Variants in ARHGAP6 observed in about 807,000 individuals in gnomAD.
ARHGAP6 encodes rho GTPase-activating protein 6.
Under a neutral mutation model 55.7 loss-of-function variants are expected in ARHGAP6, and 16 were observed. The observed-to-expected ratio is 0.29, with a 90% CI of 0.19 to 0.44. The LOEUF (loss-of-function observed/expected upper bound fraction) is 0.44. Among genes scored for constraint, ARHGAP6 ranks in the 20% least tolerant of loss-of-function variants. ARHGAP6 has a pLI of 1.00. For missense variants in ARHGAP6, 698 were observed against 808.9 expected (o/e 0.86, Z 1.66); for synonymous variants, 382 against 360.9 (o/e 1.06, Z -0.66).
chrX:11,525,436 G>C (rs1431554548), intron 1 of ARHGAP6, among the ~76,000 whole-genome samples: 1 of 111,861 alleles, frequency 8.9e-6, no homozygotes, highest in Non-Finnish European at 1.9e-5. Flanking sequence ...GACTTTTATT[G>C]GTGGAAAAGA....
intron 1 of ARHGAP6, among the ~76,000 whole-genome samples, chrX:11,382,466 G>T (rs1429526441): frequency 9.0e-6 from 1 of 111,287 alleles, no homozygotes; most frequent in Non-Finnish European, 1.9e-5. Context: ...TAAACTATTG[G>T]CCTATTTTCA....
chrX:11,290,427 C>T (rs997698253), intron 1 of ARHGAP6: 11 of 373,791 alleles, frequency 2.9e-5, no homozygotes, highest in Non-Finnish European at 5.3e-5. Context: ...CGATGTGTAT[C>T]GGAATTCATC....
intron 2 of ARHGAP6, among the ~76,000 whole-genome samples, chrX:11,247,910 A>G (rs948222277): frequency 1.8e-5 from 2 of 111,791 alleles, no homozygotes; most frequent in Non-Finnish European, 3.8e-5. Context: ...AGCCATTTGA[A>G]TAATCAGATA....
chrX:11,227,565 A>G (rs1413953850), intron 2 of ARHGAP6, among the ~76,000 whole-genome samples: 1 of 110,297 alleles, frequency 9.1e-6, no homozygotes, highest in Non-Finnish European at 1.9e-5. Flanking sequence ...CCTTTCTAAA[A>G]TGCTTCCTAG....
At chrX:11,408,935 A>G (rs2147762269) in intron 1 of ARHGAP6, among the ~76,000 whole-genome samples, 1 of 110,258 alleles carries the variant, frequency 9.1e-6, no homozygotes, top group East Asian at 2.9e-4. Flanking sequence ...ACGCACACAC[A>G]CACACGCATC....
intron 1 of ARHGAP6, among the ~76,000 whole-genome samples, chrX:11,403,353 C>T (rs1279659900): frequency 9.0e-6 from 1 of 111,338 alleles, no homozygotes; most frequent in African/African-American, 3.3e-5. Context: ...GCCACTAGCC[C>T]CAAGTGACCA....
intron 9 of ARHGAP6, among the ~76,000 whole-genome samples, chrX:11,168,908 G>A (rs1340520086): frequency 8.9e-6 from 1 of 112,248 alleles, no homozygotes; most frequent in Non-Finnish European, 1.9e-5. Context: ...TTCCAAAAGT[G>A]TACAGAGGAT....
At chrX:11,350,083 G>A (rs1437561945) in intron 1 of ARHGAP6, among the ~76,000 whole-genome samples, 1 of 111,889 alleles carries the variant, frequency 8.9e-6, no homozygotes, top group Non-Finnish European at 1.9e-5. Flanking sequence ...TCCTACTATT[G>A]CCATCACCAA....
chrX:11,166,535 A>T lies in ARHGAP6; in HGVS notation c.1809+2970T>A, dbSNP rs1286019430. 4.5e-5 allele frequency among the ~76,000 whole-genome samples: 5 copies of T among 112,251 alleles called. No homozygotes were observed. In the East Asian group the frequency reaches 1.4e-3, roughly 31 times the overall value. ...AAAAAGCCAAACAAAACAAAACAAC[A>T]TAGCGACATACAAGATTACATTTTT... On this transcript the variant is annotated intron_variant, in intron 9 of 12. Coordinates refer to ENST00000337414, the MANE Select transcript of ARHGAP6 (RefSeq NM_013427.3).
chrX:11,359,645 T>G (rs940972272), intron 1 of ARHGAP6, among the ~76,000 whole-genome samples: 2 of 111,250 alleles, frequency 1.8e-5, no homozygotes, highest in African/African-American at 6.5e-5. Context: ...AGGCAAGAAA[T>G]AACTAAAATC....
intron 1 of ARHGAP6, among the ~76,000 whole-genome samples, chrX:11,507,203 T>C (rs2050743605): frequency 9.0e-6 from 1 of 111,212 alleles, no homozygotes; most frequent in African/African-American, 3.3e-5. Flanking sequence ...CTAAGAAATA[T>C]CTAGAGGTTT....
intron 1 of ARHGAP6, among the ~76,000 whole-genome samples, chrX:11,335,392 C>T (rs1027132325): frequency 9.0e-6 from 1 of 110,928 alleles, no homozygotes; most frequent in African/African-American, 3.3e-5. Context: ...CCGTGACAGG[C>T]CCCGGTGTGT....
intron 1 of ARHGAP6, among the ~76,000 whole-genome samples, chrX:11,570,643 G>C (rs1378034635): frequency 9.0e-6 from 1 of 111,211 alleles, no homozygotes; most frequent in African/African-American, 3.3e-5. Context: ...GTGGCTCTTA[G>C]ACTTGATCCA....
chrX:11,407,439 T>C (rs1325715829), intron 1 of ARHGAP6, among the ~76,000 whole-genome samples: 1 of 112,676 alleles, frequency 8.9e-6, no homozygotes, highest in Admixed American at 9.4e-5. Context: ...TTTGTTGTTA[T>C]GAATAATGCA....
intron 1 of ARHGAP6, among the ~76,000 whole-genome samples, chrX:11,649,730 A>G (rs1450406174): frequency 8.9e-6 from 1 of 111,832 alleles, no homozygotes; most frequent in Admixed American, 9.5e-5. Flanking sequence ...CATTGCTCCA[A>G]TTATATATGG....
intron 1 of ARHGAP6, among the ~76,000 whole-genome samples, chrX:11,287,240 G>A (rs1390593082): frequency 8.9e-6 from 1 of 111,754 alleles, no homozygotes; most frequent in African/African-American, 3.3e-5. Flanking sequence ...TATTTCACAG[G>A]AAAAACATTA....
At chrX:11,484,152 G>T (rs1603228124) in intron 1 of ARHGAP6, among the ~76,000 whole-genome samples, 1 of 111,467 alleles carries the variant, frequency 9.0e-6, no homozygotes, top group East Asian at 2.8e-4. Context: ...TAGTATTTGG[G>T]TTGTATCCTA....
chrX:11,450,531 C>A (rs993393034), intron 1 of ARHGAP6, among the ~76,000 whole-genome samples: 16 of 111,612 alleles, frequency 1.4e-4, no homozygotes, highest in African/African-American at 5.2e-4. Context: ...CTCTGGTGAG[C>A]CTGCCCTTTG....
chrX:11,393,873 CA>C lies in ARHGAP6; in HGVS notation c.589-139167del, dbSNP rs1251555623. Among the ~76,000 whole-genome samples, 36 of 111,295 alleles carry C rather than the reference CA, an allele frequency of 3.2e-4. No homozygotes were observed. The South Asian group carries it at 5.3e-3, about 16-fold the overall frequency. The stretch of plus-strand genomic sequence containing the variant: ...TTTTAAATATTGATGAACATTAACT[CA>C]AAAAAGCGTCTTTAGAACTGCTACA... On this transcript the variant is annotated intron_variant, in intron 1 of 12. Transcript: ENST00000337414.
Sources: allele counts gnomAD v4.1 joint callset (sites outside exome capture counted in the v4.1 genomes callset), GRCh38; gene constraint gnomAD v4.1.1; transcripts MANE v1.5; gene names NCBI Gene and HGNC (gene_info 2026-07-23, HGNC 2026-07-21).